The following DOT1L variants were observed in gnomAD, a reference collection of about 807,000 sequenced individuals.
The protein encoded by DOT1L is histone-lysine N-methyltransferase, H3 lysine-79 specific.
DOT1L carries 33 observed loss-of-function variants against 153.3 expected under a neutral mutation model. The observed-to-expected ratio is 0.22, with a 90% CI of 0.16 to 0.29. DOT1L has a LOEUF of 0.29. Ranked by LOEUF, DOT1L falls within the 10% of genes least tolerant of loss-of-function variation. DOT1L has a pLI of 1.00. For synonymous variants in DOT1L, 1,135 were observed against 965.1 expected (o/e 1.18, Z -3.26); for missense variants, 1,847 against 2,119.9 (o/e 0.87, Z 2.53).
chr19:2,193,512 C>T lies in DOT1L; in HGVS notation c.494-177C>T, dbSNP rs2022886729. Among the ~76,000 whole-genome samples the T allele has an allele frequency of 6.6e-6, 1 of 152,158 alleles. No homozygotes were observed. Among genetic ancestry groups the T allele is most frequent in the African/African-American group, 2.4e-5 (1 of 41,438 alleles). On this transcript the variant is annotated intron_variant, in intron 5 of 27. Transcript: ENST00000398665. The surrounding 1 kb of genome is among the most constrained non-coding windows in gnomAD (Gnocchi z 5.9). ...CCCCTCGTGGGGGCTCTGTCAGGGG[C>T]CTGGTCTCTGGGAAGGATCCTGAGT...
chr19:2,164,274 C>T lies in DOT1L; in HGVS notation c.81+9C>T. On this transcript the variant is annotated intron_variant, in intron 1 of 27. Transcript: ENST00000398665. ...GGCCGCTGCCGGTCTACGTGAGTGC[C>T]GCCCTCCACCGTCCCTACCTCCCGG... is the stretch of plus-strand genomic sequence containing the variant. 7.9e-7 allele frequency: 1 copy of T among 1,261,432 alleles called. No homozygotes were observed. The highest frequency in any genetic ancestry group is 1.0e-6 in the Non-Finnish European group (1 of 1,001,054). The allele number at this position is 1,261,432 out of a possible 1,614,324, so 78.1% of individuals were successfully genotyped here.
intron 19 of DOT1L, 63 bp downstream of exon 19, chr19:2,214,659 C>G: frequency 1.3e-6 from 2 of 1,583,160 alleles, no homozygotes; most frequent in Non-Finnish European, 1.7e-6. Flanking sequence ...CTCCCTGTGA[C>G]GTCGTTGAGC....
chr19:2,208,888 A>G lies in DOT1L; in HGVS notation c.964-47A>G, dbSNP rs762300864. 1 of 1,594,784 alleles carries G rather than the reference A, an allele frequency of 6.3e-7. No individual in the cohort carries two copies. The highest frequency in any genetic ancestry group is 1.1e-5 in the South Asian group (1 of 89,088). ...CCTGGGTGTCCAGACAAATCCGAAC[A>G]GAGATTGGGACTCCCTTCTAATCAG... On this transcript the variant is annotated intron_variant, in intron 11 of 27. Coordinates refer to ENST00000398665, the MANE Select transcript of DOT1L (RefSeq NM_032482.3). This position sits in a 1 kb window ranked among gnomAD's most constrained non-coding sequence, Gnocchi z 4.4.
intron 27 of DOT1L, chr19:2,229,282 T>A: frequency 1.0e-6 from 1 of 985,442 alleles, no homozygotes; most frequent in Non-Finnish European, 1.2e-6. Flanking sequence ...ATGGCGTGCC[T>A]GGCGGCGTAG....
rs906517920 is a variant in DOT1L at position 2,217,904 on chromosome 19, C to T, written c.2677C>T (p.Arg893Cys). ...IPLASVVLPS[R>C]AERARSTPSP... ...CCTGGCCAGCGTGGTGCTGCCCAGC[C>T]GCGCCGAGAGGGCGGTGAGTGGCTC... Residue 893 changes from arginine to cysteine, a missense_variant, in exon 22 of 28, where the codon CGC becomes TGC. Physicochemically the swap from Arg to Cys is radical, Grantham distance 180. Coordinates refer to ENST00000398665, the MANE Select transcript of DOT1L (RefSeq NM_032482.3). This position sits in a 1 kb window ranked among gnomAD's most constrained non-coding sequence, Gnocchi z 7.3. 1 of 1,612,044 alleles carries T rather than the reference C, an allele frequency of 6.2e-7. No homozygotes were observed. The highest frequency in any genetic ancestry group is 8.5e-7 in the Non-Finnish European group (1 of 1,179,738).
Position 2,226,579 on chromosome 19 carries a change from TC to T in DOT1L, c.4062del (p.Ser1355ArgfsTer14). On this transcript the variant is annotated frameshift_variant, in exon 27 of 28. Transcript: ENST00000398665. LOFTEE classifies it high-confidence loss of function. ...GCCGGCCTGAGCTCCCCGCTGAGCT[TC>T]CCCTCGCAGCGCGGCAAGGAGGGCT... Reference protein sequence around the residue: ...EAAGLSSPLSFPSQRGKEGSD... With the variant: ...EAAGLSSPLSXPSQRGKEGSD... The T allele has an allele frequency of 6.2e-7, 1 of 1,600,304 alleles. No individual in the cohort carries two copies.
At chr19:2,214,635 C>A in intron 19 of DOT1L, 39 bp downstream of exon 19, 1 of 1,601,924 alleles carries the variant, frequency 6.2e-7, no homozygotes, top group Non-Finnish European at 8.5e-7. Context: ...GGTGTCCGAG[C>A]CTCTCCCATC....
chr19:2,180,236 C>T (rs574619292), intron 1 of DOT1L, among the ~76,000 whole-genome samples: 1 of 152,304 alleles, frequency 6.6e-6, no homozygotes, highest in South Asian at 2.1e-4. Flanking sequence ...CATACCAGGC[C>T]TTTGCCAACG....
In DOT1L at chr19:2,230,859, GCCTGCC is replaced by G; in HGVS notation, c.*1070_*1075del. On this transcript the variant is annotated 3_prime_UTR_variant, in exon 28 of 28. Transcript: ENST00000398665. ...CCCAGACAGAGCTGCCGGCGCCCCT[GCCTGCC>G]CCACATCCCTTCCTGTCAGGGCCAC... is the stretch of plus-strand genomic sequence containing the variant. 2.9e-6 allele frequency: 1 copy of G among 346,648 alleles called. No homozygotes were observed. The highest frequency in any genetic ancestry group is 4.1e-5 in the East Asian group (1 of 24,120). 21.5% of individuals were successfully genotyped at this position (346,648 alleles called of 1,614,324 possible). A position where few individuals can be genotyped will look rare whatever the true frequency, so the allele number is the denominator to read the frequency against.
In DOT1L at chr19:2,197,957, A is replaced by C. The variant is rs1403923335; in HGVS notation, c.652-1927A>C. 6.6e-6 allele frequency among the ~76,000 whole-genome samples: 1 copy of C among 152,186 alleles called. No individual in the cohort carries two copies. The highest frequency in any genetic ancestry group is 1.5e-5 in the Non-Finnish European group (1 of 68,030). On this transcript the variant is annotated intron_variant, in intron 7 of 27. Transcript: ENST00000398665. This position sits in a 1 kb window ranked among gnomAD's most constrained non-coding sequence, Gnocchi z 4.1. The stretch of plus-strand genomic sequence containing the variant: ...CTCTCTGTGGCTTTGCCTGTGCTCC[A>C]CTTGGGAGGCTCCAAGTCCTCCCGC...
At chr19:2,216,126 G>A (rs932412655) in intron 19 of DOT1L, 155 bp from the exon 20 acceptor site, 108 of 1,150,664 alleles carry the variant, frequency 9.4e-5, no homozygotes, top group Non-Finnish European at 1.2e-4. Flanking sequence ...CCAGCTTCCC[G>A]ACCCCGCCTC....
chr19:2,224,483 T>A (rs1461186085), intron 25 of DOT1L, among the ~76,000 whole-genome samples: 1 of 149,134 alleles, frequency 6.7e-6, no homozygotes, highest in East Asian at 2.0e-4. Context: ...TTTTTTTTCC[T>A]GAGACACAGA....
chr19:2,173,017 C>T (rs945887833), intron 1 of DOT1L, among the ~76,000 whole-genome samples: 3 of 151,922 alleles, frequency 2.0e-5, no homozygotes, highest in Non-Finnish European at 2.9e-5. Context: ...GTGTACATTT[C>T]AGTGTGTTTT....
chr19:2,220,895 G>T lies in DOT1L; in HGVS notation c.2806+673G>T, dbSNP rs117904838. The T allele has an allele frequency of 8.0e-3, 2,192 of 273,588 alleles. 16 individuals carry two copies. Among genetic ancestry groups the T allele is most frequent in the Middle Eastern group, 0.018 (13 of 738 alleles). The allele number at this position is 273,588 out of a possible 1,614,324, so 16.9% of individuals were successfully genotyped here. On this transcript the variant is annotated intron_variant, in intron 23 of 27. Transcript: ENST00000398665. The surrounding 1 kb of genome is among the most constrained non-coding windows in gnomAD (Gnocchi z 4.5). ...TTTTAGGAGTAAAAAGTAAAATGTGGCCGGGCGTGGTGGCTCATGCCTGTA... is the reference window on the plus strand; with the variant it reads ...TTTTAGGAGTAAAAAGTAAAATGTGTCCGGGCGTGGTGGCTCATGCCTGTA...
intron 7 of DOT1L, among the ~76,000 whole-genome samples, chr19:2,199,377 A>G (rs922052760): frequency 1.3e-5 from 2 of 152,210 alleles, no homozygotes; most frequent in Non-Finnish European, 2.9e-5. Flanking sequence ...GCTCGGCGCT[A>G]GGCTTTCTCA....
intron 17 of DOT1L, 66 bp downstream of exon 17, chr19:2,213,706 G>T (rs575313928): frequency 6.2e-7 from 1 of 1,603,326 alleles, no homozygotes; most frequent in African/African-American, 1.3e-5. Flanking sequence ...GTCCATGTCC[G>T]TCGGTATGGC....
intron 7 of DOT1L, among the ~76,000 whole-genome samples, chr19:2,199,445 C>A (rs1344218763): frequency 6.6e-6 from 1 of 152,250 alleles, no homozygotes; most frequent in Non-Finnish European, 1.5e-5. Context: ...CTGTGGCCTC[C>A]CTCAGGCCCT....
At position 2,222,128 on chromosome 19, in the gene DOT1L, C is replaced by T. The variant is rs2144902605; in HGVS notation, c.2959C>T (p.His987Tyr). The T allele has an allele frequency of 6.2e-7, 1 of 1,613,244 alleles. No individual in the cohort carries two copies. Among genetic ancestry groups the T allele is most frequent in the East Asian group, 2.2e-5 (1 of 44,874 alleles). Residue 987 changes from histidine to tyrosine, a missense_variant, in exon 24 of 28, where the codon CAC (histidine) becomes TAC (tyrosine). Physicochemically the swap from His to Tyr is moderately conservative, Grantham distance 83. Transcript: ENST00000398665. This position sits in a 1 kb window ranked among gnomAD's most constrained non-coding sequence, Gnocchi z 6.5. ...TVGSRSSTPQ[H>Y]PLLLAQPRNS... ...GGGGTCCCGCAGCTCCACGCCACAG[C>T]ACCCCCTGCTGCTGGCACAGCCCCG... is the stretch of plus-strand genomic sequence containing the variant.
intron 1 of DOT1L, among the ~76,000 whole-genome samples, chr19:2,176,576 C>T (rs2021948053): frequency 6.6e-6 from 1 of 152,234 alleles, no homozygotes; most frequent in Non-Finnish European, 1.5e-5. Flanking sequence ...AGTCATCTGG[C>T]TCCCAGGAAC....
Sources: gnomAD v4.1 joint callset for allele counts (sites outside exome capture counted in the v4.1 genomes callset) on GRCh38, gnomAD v4.1.1 for gene constraint, Gnocchi (gnomAD v3.1) non-coding constraint, MANE v1.5 for transcripts, NCBI Gene and HGNC (gene_info 2026-07-23, HGNC 2026-07-21) for gene names.